Variants in LIPI observed in about 807,000 individuals in gnomAD.
LIPI encodes the protein lipase member I.
Under a neutral mutation model 50.6 loss-of-function variants are expected in LIPI, and 59 were observed. That is an observed-to-expected ratio of 1.16 (90% confidence interval 0.94 to 1.45). The LOEUF (loss-of-function observed/expected upper bound fraction) is 1.45. Ranked by LOEUF, LIPI falls within the 40% of genes most tolerant of loss-of-function variation. LIPI has a pLI of 0.00. For missense variants in LIPI, 586 were observed against 536.3 expected (o/e 1.09, Z -0.92); for synonymous variants, 203 against 178.2 (o/e 1.14, Z -1.11).
chr21:14,190,655 A>G (rs1376922751), intron 1 of LIPI, among the ~76,000 whole-genome samples: 1 of 152,238 alleles, frequency 6.6e-6, no homozygotes, highest in African/African-American at 2.4e-5. Flanking sequence ...CAAGACTTGC[A>G]TTCCATTCCT....
At chr21:14,132,255 G>A (rs2017324672) in intron 9 of LIPI, among the ~76,000 whole-genome samples, 2 of 152,120 alleles carry the variant, frequency 1.3e-5, no homozygotes, top group African/African-American at 4.8e-5. Context: ...CATCACTGTG[G>A]CATATTACCT....
rs75231307 is a variant in LIPI at position 14,175,264 on chromosome 21, G to A, written c.643+6494C>T. ...ATAAATAATGCTGAATAGTTGTAGC[G>A]TATCTTTGCCAATAAATGGTCTTGT... On this transcript the variant is annotated intron_variant, in intron 4 of 9. Coordinates refer to ENST00000681601, the MANE Select transcript of LIPI (RefSeq NM_001302998.2). 7.2e-5 allele frequency among the ~76,000 whole-genome samples: 11 copies of A among 152,212 alleles called. No individual in the cohort carries two copies. The East Asian group carries it at 2.1e-3, about 29-fold the overall frequency.
intron 7 of LIPI, among the ~76,000 whole-genome samples, chr21:14,160,421 G>T (rs1299749077): frequency 6.6e-6 from 1 of 150,962 alleles, no homozygotes. Flanking sequence ...TTAACCAATT[G>T]TTGATAAAGA....
intron 8 of LIPI, among the ~76,000 whole-genome samples, chr21:14,145,493 C>T (rs1169254389): frequency 6.6e-6 from 1 of 152,180 alleles, no homozygotes; most frequent in East Asian, 1.9e-4. Context: ...TTTATCTCAA[C>T]CTGGGCTTTC....
At chr21:14,150,370 G>T (rs905597564) in intron 8 of LIPI, among the ~76,000 whole-genome samples, 1 of 152,044 alleles carries the variant, frequency 6.6e-6, no homozygotes, top group Non-Finnish European at 1.5e-5. Context: ...TGACTGTATT[G>T]CCTTGCTTTC....
intron 1 of LIPI, among the ~76,000 whole-genome samples, chr21:14,202,761 A>T (rs958340121): frequency 6.6e-6 from 1 of 152,220 alleles, no homozygotes; most frequent in African/African-American, 2.4e-5. Context: ...ACCATTCAGG[A>T]CATAGGCATG....
intron 4 of LIPI, among the ~76,000 whole-genome samples, chr21:14,179,027 T>A (rs533263445): frequency 6.6e-6 from 1 of 152,282 alleles, no homozygotes; most frequent in African/African-American, 2.4e-5. Flanking sequence ...CATGCTTCTA[T>A]AATGTCCTTT....
chr21:14,111,233 G>A (rs1378514550), intron 9 of LIPI, among the ~76,000 whole-genome samples: 1 of 151,054 alleles, frequency 6.6e-6, no homozygotes, highest in Non-Finnish European at 1.5e-5. Flanking sequence ...TTTTTTCCAT[G>A]TTCTCACCAA....
At chr21:14,162,588 G>C (rs1165361750) in intron 7 of LIPI, among the ~76,000 whole-genome samples, 3 of 151,782 alleles carry the variant, frequency 2.0e-5, no homozygotes, top group African/African-American at 7.3e-5. Context: ...CTCTGTGTAT[G>C]ATTTCTTACT....
intron 7 of LIPI, among the ~76,000 whole-genome samples, chr21:14,162,188 A>G (rs1361654087): frequency 1.3e-5 from 2 of 150,282 alleles, no homozygotes; most frequent in South Asian, 2.1e-4. Context: ...ACATGGATGA[A>G]CCTCCAGGGA....
intron 1 of LIPI, among the ~76,000 whole-genome samples, chr21:14,203,092 A>C (rs1360959776): frequency 6.6e-6 from 1 of 152,234 alleles, no homozygotes; most frequent in East Asian, 1.9e-4. Flanking sequence ...AATGCTCGTC[A>C]TCACTGGCCA....
intron 9 of LIPI, among the ~76,000 whole-genome samples, chr21:14,116,036 G>A (rs375261464): frequency 6.6e-6 from 1 of 152,170 alleles, no homozygotes; most frequent in Admixed American, 6.5e-5. Flanking sequence ...GGGTGTGTGT[G>A]AACCTACCTG....
intron 9 of LIPI, among the ~76,000 whole-genome samples, chr21:14,122,933 G>A (rs555282465): frequency 4.0e-4 from 61 of 152,234 alleles, no homozygotes; most frequent in African/African-American, 1.1e-3. Context: ...TTAACCCCAA[G>A]GATCCAAAAG....
At chr21:14,136,849 A>C (rs2017517946) in intron 9 of LIPI, among the ~76,000 whole-genome samples, 1 of 152,176 alleles carries the variant, frequency 6.6e-6, no homozygotes, top group African/African-American at 2.4e-5. Flanking sequence ...CTCCACCCCC[A>C]GATTTAGGTG....
intron 9 of LIPI, among the ~76,000 whole-genome samples, chr21:14,139,581 T>A (rs1221805779): frequency 6.6e-6 from 1 of 152,140 alleles, no homozygotes; most frequent in African/African-American, 2.4e-5. Flanking sequence ...AAGAAACTTA[T>A]CTTCTACTTG....
intron 1 of LIPI, among the ~76,000 whole-genome samples, chr21:14,200,117 C>T (rs1391525548): frequency 6.6e-6 from 1 of 151,976 alleles, no homozygotes; most frequent in African/African-American, 2.4e-5. Flanking sequence ...ATAATAAGAG[C>T]CATATATGAC....
At chr21:14,119,015 G>A (rs57346421) in intron 9 of LIPI, among the ~76,000 whole-genome samples, 72 of 152,298 alleles carry the variant, frequency 4.7e-4, no homozygotes, top group African/African-American at 1.6e-3. Context: ...TAACCTGTAC[G>A]CTATGCTTGC....
chr21:14,160,895 G>T (rs1380752514), intron 7 of LIPI, among the ~76,000 whole-genome samples: 1 of 151,248 alleles, frequency 6.6e-6, no homozygotes, highest in African/African-American at 2.4e-5. Context: ...TCATCCATCA[G>T]GGCAATGAAT....
At chr21:14,180,984 A>C (rs1357760789) in intron 4 of LIPI, among the ~76,000 whole-genome samples, 1 of 152,144 alleles carries the variant, frequency 6.6e-6, no homozygotes, top group Non-Finnish European at 1.5e-5. Context: ...CTGGAATCAA[A>C]ACATATGATT....
Sources: gnomAD v4.1 joint callset for allele counts (sites outside exome capture counted in the v4.1 genomes callset) on GRCh38, gnomAD v4.1.1 for gene constraint, MANE v1.5 for transcripts, NCBI Gene and HGNC (gene_info 2026-07-23, HGNC 2026-07-21) for gene names.